Variants in COL1A1 observed in about 807,000 individuals in gnomAD.
The protein encoded by COL1A1 is collagen alpha-1(I) chain.
Under a neutral mutation model 195.7 loss-of-function variants are expected in COL1A1, and 21 were observed. The ratio of observed to expected loss-of-function variants is 0.11; its 90% CI spans 0.08 to 0.15. COL1A1 has a LOEUF of 0.15. Among genes scored for constraint, COL1A1 ranks in the 10% least tolerant of loss-of-function variants. The pLI is 1.00. For synonymous variants in COL1A1, 749 were observed against 747.3 expected (o/e 1.00, Z -0.04); for missense variants, 1,365 against 2,051.0 (o/e 0.67, Z 6.46).
intron 46 of COL1A1, 140 bp from the exon 47 acceptor site, chr17:50,187,262 G>A (rs1026738677): frequency 7.1e-6 from 6 of 844,894 alleles, no homozygotes; most frequent in Admixed American, 6.5e-5. Context: ...CATAGGACAT[G>A]CCATAGCTCC....
Position 50,195,915 on chromosome 17 carries a change from G to C in COL1A1, c.1056+8C>G, listed in dbSNP as rs756887759. The C allele has an allele frequency of 1.9e-6, 3 of 1,575,214 alleles. No homozygotes were observed. The highest frequency in any genetic ancestry group is 2.6e-6 in the Non-Finnish European group (3 of 1,159,760). ...GGGTCATGCTTAGAGGAGAGTGGGGGGTCTCACCTTAGCACCAACAGCACC... is the reference window on the plus strand; with the variant it reads ...GGGTCATGCTTAGAGGAGAGTGGGGCGTCTCACCTTAGCACCAACAGCACC... On this transcript the variant is annotated splice_region_variant and intron_variant, in intron 16 of 50. Transcript: ENST00000225964. The surrounding 1 kb of genome is among the most constrained non-coding windows in gnomAD (Gnocchi z 4.3).
chr17:50,193,638 C>T (rs905019288), intron 25 of COL1A1: 1 of 389,766 alleles, frequency 2.6e-6, no homozygotes, highest in Non-Finnish European at 4.9e-6. Context: ...CACACCACCA[C>T]ACCCAGCTAA....
At chr17:50,196,274 C>G in intron 14 of COL1A1, 40 bp downstream of exon 14, 1 of 1,609,474 alleles carries the variant, frequency 6.2e-7, no homozygotes, top group Admixed American at 1.7e-5. Flanking sequence ...GGAGCCCCTT[C>G]CAGAGCTCAG....
rs1267688094 is a variant in COL1A1, at chr17:50,190,112, G to C, written c.2452-4C>G. On this transcript the variant is annotated splice_polypyrimidine_tract_variant and splice_region_variant and intron_variant, in intron 35 of 50. Coordinates refer to ENST00000225964, the MANE Select transcript of COL1A1 (RefSeq NM_000088.4). This position sits in a 1 kb window ranked among gnomAD's most constrained non-coding sequence, Gnocchi z 4.7. The stretch of plus-strand genomic sequence containing the variant: ...CACCAGGTTGGCCGTCAGCACCCTG[G>C]GGGAGGAAGCAGGGCGGTGAATGGA... The C allele has an allele frequency of 5.0e-6, 8 of 1,613,388 alleles. No individual in the cohort carries two copies. In the South Asian group the frequency reaches 7.7e-5, roughly 16 times the overall value.
intron 1 of COL1A1, chr17:50,200,234 A>G (rs1598302530): frequency 4.1e-6 from 2 of 487,296 alleles, no homozygotes; most frequent in East Asian, 7.6e-5. Flanking sequence ...CGCTGAAGCC[A>G]AGTGAAATAA....
At position 50,187,116 on chromosome 17, in the gene COL1A1, G is replaced by A. The variant is rs777173486; in HGVS notation, c.3430C>T (p.Pro1144Ser). 3 of 1,608,006 alleles carry A rather than the reference G, an allele frequency of 1.9e-6. No individual in the cohort carries two copies. Among genetic ancestry groups the A allele is most frequent in the East Asian group, 4.5e-5 (2 of 44,698 alleles). Reference protein sequence around the residue: ...ASGPAGPRGPPGSAGAPGKDG... With the variant: ...ASGPAGPRGPSGSAGAPGKDG... ...TTGCCAGGAGCACCAGCAGAGCCAG[G>A]GGGACCCTGGAGTGGGGGAAATGGT... Residue 1144 changes from proline to serine, a missense_variant, in exon 47 of 51, where the codon CCT becomes TCT. By Grantham distance (74) the Pro-to-Ser change is moderately conservative. Coordinates refer to ENST00000225964, the MANE Select transcript of COL1A1 (RefSeq NM_000088.4).
Position 50,195,699 on chromosome 17 carries a change from C to T in COL1A1, c.1057-34G>A. The T allele has an allele frequency of 6.2e-7, 1 of 1,603,096 alleles. No individual in the cohort carries two copies. Among genetic ancestry groups the T allele is most frequent in the Non-Finnish European group, 8.5e-7 (1 of 1,172,200 alleles). The stretch of plus-strand genomic sequence containing the variant: ...GAAGAAAGGACATATCAGAAGCCAC[C>T]CTGGGAAACCCAACCTTGCCTCTCG... On this transcript the variant is annotated intron_variant, in intron 16 of 50. Transcript: ENST00000225964. The surrounding 1 kb of genome is among the most constrained non-coding windows in gnomAD (Gnocchi z 4.3).
rs1004356084 is a variant in COL1A1 at position 50,185,000 on chromosome 17, G to A, written c.*502C>T. 15 of 232,950 alleles carry A rather than the reference G, an allele frequency of 6.4e-5. No individual in the cohort carries two copies. Among genetic ancestry groups the A allele is most frequent in the Admixed American group, 6.1e-4 (11 of 17,890 alleles). The allele number at this position is 232,950 out of a possible 1,614,324, so 14.4% of individuals were successfully genotyped here. A position where few individuals can be genotyped will look rare whatever the true frequency, so the allele number is the denominator to read the frequency against. On this transcript the variant is annotated 3_prime_UTR_variant, in exon 51 of 51. Transcript: ENST00000225964. ...CTGGGGGTGCTGGGCGGGCAGGAGC[G>A]GGCTGAGGGTGGGGGCCACTTGGGT...
intron 6 of COL1A1, 75 bp downstream of exon 6, chr17:50,198,358 T>C: frequency 5.7e-6 from 9 of 1,568,146 alleles, no homozygotes; most frequent in Non-Finnish European, 7.9e-6. Flanking sequence ...AAGCTGTCTA[T>C]ACCAGCCGCC....
rs1194624196 is a variant in COL1A1, at chr17:50,188,969, T to C, written c.2979A>G (p.Glu993=). 1 of 1,613,160 alleles carries C rather than the reference T, an allele frequency of 6.2e-7. No homozygotes were observed. The highest frequency in any genetic ancestry group is 1.3e-5 in the African/African-American group (1 of 74,666). Residue 993 remains glutamate (E), a synonymous_variant, in exon 41 of 51, where the codon GAA becomes GAG. Coordinates refer to ENST00000225964, the MANE Select transcript of COL1A1 (RefSeq NM_000088.4). The surrounding 1 kb of genome is among the most constrained non-coding windows in gnomAD (Gnocchi z 5.6). ...GKQGPSGASG[E]RGPPGPMGPP... ...GGCCCATGGGACCAGGGGGACCACG[T>C]TCACCACTTGCTCCAGAGGGACCTT...
In COL1A1 at chr17:50,186,227, T is replaced by C. The variant is rs149949620; in HGVS notation, c.4005+90A>G. 5 of 1,573,044 alleles carry C rather than the reference T, an allele frequency of 3.2e-6. 1 individual carries two copies. Among genetic ancestry groups the C allele is most frequent in the East Asian group, 4.5e-5 (2 of 44,690 alleles). ...CCAGCCCAGCTCTGTCCATCACCCTTAGCAGAGACCTACTCCAGGACTTCA... is the reference window on the plus strand; with the variant it reads ...CCAGCCCAGCTCTGTCCATCACCCTCAGCAGAGACCTACTCCAGGACTTCA... On this transcript the variant is annotated intron_variant, in intron 49 of 50. Transcript: ENST00000225964. This position sits in a 1 kb window ranked among gnomAD's most constrained non-coding sequence, Gnocchi z 5.3.
intron 32 of COL1A1, 119 bp downstream of exon 32, chr17:50,191,263 GA>G (rs1907051459): frequency 1.0e-6 from 1 of 976,522 alleles, no homozygotes; most frequent in Admixed American, 1.8e-5. Flanking sequence ...GAAAGGGGAA[GA>G]AGGGAGGATT....
chr17:50,190,994 T>C lies in COL1A1; in HGVS notation c.2236-70A>G. The C allele has an allele frequency of 6.8e-7, 1 of 1,471,910 alleles. No individual in the cohort carries two copies. The highest frequency in any genetic ancestry group is 9.4e-7 in the Non-Finnish European group (1 of 1,059,454). The allele number at this position is 1,471,910 out of a possible 1,614,324, so 91.2% of individuals were successfully genotyped here. On this transcript the variant is annotated intron_variant, in intron 32 of 50. Transcript: ENST00000225964. The surrounding 1 kb of genome is among the most constrained non-coding windows in gnomAD (Gnocchi z 4.7). ...GGTGACCTATAGTGTTCTGCTTGTG[T>C]CTGGGTTTCCTGAGAGGCCCTCTGC...
chr17:50,200,056 C>G (rs1338070704), intron 1 of COL1A1, 109 bp from the exon 2 acceptor site: 1 of 1,185,510 alleles, frequency 8.4e-7, no homozygotes, highest in East Asian at 2.3e-5. Flanking sequence ...TCCCGCCCCT[C>G]CCCCCGTTCT....
intron 14 of COL1A1, 45 bp from the exon 15 acceptor site, chr17:50,196,244 C>T: frequency 6.2e-7 from 1 of 1,613,018 alleles, no homozygotes; most frequent in Non-Finnish European, 8.5e-7. Flanking sequence ...TGAGCACTGG[C>T]CAGTCCCTAG....
intron 45 of COL1A1, 147 bp from the exon 46 acceptor site, chr17:50,187,684 C>T: frequency 3.1e-6 from 3 of 983,550 alleles, no homozygotes; most frequent in Non-Finnish European, 4.8e-6. Context: ...TAGGCAGAGA[C>T]CTCTCCCATA....
At chr17:50,191,752 G>A (rs1444411643) in intron 31 of COL1A1, 36 bp downstream of exon 31, 1 of 1,551,192 alleles carries the variant, frequency 6.4e-7, no homozygotes, top group East Asian at 2.4e-5. Context: ...CTGGTCCCTG[G>A]GCCACTTGCC....
rs377263830 is a variant in COL1A1 at position 50,194,504 on chromosome 17, C to T, written c.1516-57G>A. ...GTCTCAAGTTTGTGGCTCTTTGCCA[C>T]GGGCCAAAAGAGGAAGAAGATGCCC... On this transcript the variant is annotated intron_variant, in intron 22 of 50. Transcript: ENST00000225964. The surrounding 1 kb of genome is among the most constrained non-coding windows in gnomAD (Gnocchi z 6.8). The T allele has an allele frequency of 2.8e-4, 445 of 1,613,072 alleles. No homozygotes were observed. Among genetic ancestry groups the T allele is most frequent in the Middle Eastern group, 1.5e-3 (9 of 6,062 alleles).
Position 50,188,042 on chromosome 17 carries a change from A to G in COL1A1, c.3261+54T>C. The G allele has an allele frequency of 6.2e-7, 1 of 1,613,562 alleles. No homozygotes were observed. The highest frequency in any genetic ancestry group is 8.5e-7 in the Non-Finnish European group (1 of 1,179,562). On this transcript the variant is annotated intron_variant, in intron 44 of 50. Coordinates refer to ENST00000225964, the MANE Select transcript of COL1A1 (RefSeq NM_000088.4). This position sits in a 1 kb window ranked among gnomAD's most constrained non-coding sequence, Gnocchi z 5.6. ...AAGTTCCATTGGCATCGAGTGGGGC[A>G]CTGTCTGCATCTGTAGAGTTCTAAA... is the stretch of plus-strand genomic sequence containing the variant.
Sources: allele counts gnomAD v4.1 joint callset, GRCh38; gene constraint gnomAD v4.1.1; non-coding constraint Gnocchi (gnomAD v3.1); transcripts MANE v1.5; gene names NCBI Gene and HGNC (gene_info 2026-07-23, HGNC 2026-07-21).